The following MYCBP2 variants were observed in gnomAD, a reference collection of about 807,000 sequenced individuals.
MYCBP2 encodes MYC binding protein 2.
MYCBP2 carries 120 observed loss-of-function variants against 525.3 expected under a neutral mutation model. The observed-to-expected ratio is 0.23, with a 90% CI of 0.20 to 0.27. The LOEUF is 0.27. Ranked by LOEUF, MYCBP2 falls within the 10% of genes least tolerant of loss-of-function variation. The probability of loss-of-function intolerance (pLI) is 1.00; values close to 1 mark genes in which losing one functional copy is unlikely to be tolerated. For missense variants in MYCBP2, 4,149 were observed against 5,657.1 expected, an observed-to-expected ratio of 0.73 and a Z score of 8.55; for synonymous variants, 1,894 against 1,955.8, an observed-to-expected ratio of 0.97 and a Z score of 0.83.
intron 49 of MYCBP2, among the ~76,000 whole-genome samples, chr13:77,142,100 A>G (rs1283341293): frequency 6.6e-6 from 1 of 152,200 alleles, no homozygotes; most frequent in Non-Finnish European, 1.5e-5. Flanking sequence ...AAAAAACTCT[A>G]TCTACTGAAA....
At chr13:77,270,652 A>T (rs1346955318) in intron 5 of MYCBP2, 114 bp from the exon 6 acceptor site, 3 of 1,121,606 alleles carry the variant, frequency 2.7e-6, no homozygotes, top group Non-Finnish European at 3.7e-6. Context: ...GTTCAGAATG[A>T]TATTTCGCAT....
chr13:77,272,888 A>C (rs1183383951), intron 5 of MYCBP2, among the ~76,000 whole-genome samples: 2 of 152,198 alleles, frequency 1.3e-5, no homozygotes, highest in Non-Finnish European at 2.9e-5. Context: ...CTTCTTTCTC[A>C]ATTTCCAGAG....
intron 1 of MYCBP2, among the ~76,000 whole-genome samples, chr13:77,313,705 A>G (rs2154377668): frequency 6.6e-6 from 1 of 152,230 alleles, no homozygotes; most frequent in Middle Eastern, 3.4e-3. Context: ...ATATTTGCAA[A>G]AGACACATCT....
chr13:77,052,006 T>A, intron 80 of MYCBP2, 88 bp from the exon 81 acceptor site: 1 of 980,968 alleles, frequency 1.0e-6, no homozygotes, highest in Non-Finnish European at 1.6e-6. Context: ...AAGTAAGATC[T>A]AGGGGTTTTA....
At position 77,211,962 on chromosome 13, in the gene MYCBP2, T is replaced by C; in HGVS notation, c.3256A>G (p.Ile1086Val). ...TGTTTATTTCTGGTATTACCTATTATGTGTTTACTGGCAAAAATTTCTGAT... is the reference window on the plus strand; with the variant it reads ...TGTTTATTTCTGGTATTACCTATTACGTGTTTACTGGCAAAAATTTCTGAT... ...ATSEIFASKH[I>V]IGLVPASISE... The change falls in exon 22 of 83, where the codon ATA (isoleucine) becomes GTA (valine). Residue 1086 changes from isoleucine to valine, a missense_variant. Physicochemically the swap from Ile to Val is conservative, Grantham distance 29. Transcript: ENST00000544440. 1.2e-6 allele frequency: 2 copies of C among 1,613,122 alleles called. No homozygotes were observed. Among genetic ancestry groups the C allele is most frequent in the South Asian group, 1.1e-5 (1 of 91,048 alleles).
At chr13:77,165,529 T>C in intron 41 of MYCBP2, 138 bp from the exon 42 acceptor site, 5 of 623,846 alleles carry the variant, frequency 8.0e-6, no homozygotes, top group Non-Finnish European at 1.4e-5. Flanking sequence ...TTAAATAGAC[T>C]TGCGGCGGGG....
chr13:77,190,307 T>G lies in MYCBP2; in HGVS notation c.4099A>C (p.Lys1367Gln). 1 of 1,609,890 alleles carries G rather than the reference T, an allele frequency of 6.2e-7. No homozygotes were observed. Among genetic ancestry groups the G allele is most frequent in the Non-Finnish European group, 8.5e-7 (1 of 1,177,214 alleles). ...TTAACATCTGTACCATTATTTGATT[T>G]CTTTGAACTCTTGAACTGGAAAACA... The part of the protein sequence containing the change: ...GVVFQFKSSK[K>Q]SNNGTDVNAG... The change falls in exon 29 of 83, where the codon AAA becomes CAA. Residue 1367 changes from lysine to glutamine, a missense_variant. Transcript: ENST00000544440.
At chr13:77,171,900 T>C (rs1339007090) in intron 37 of MYCBP2, among the ~76,000 whole-genome samples, 1 of 152,170 alleles carries the variant, frequency 6.6e-6, no homozygotes, top group Non-Finnish European at 1.5e-5. Flanking sequence ...AATTAATTAA[T>C]TAAATTATTT....
intron 61 of MYCBP2, 110 bp downstream of exon 61, chr13:77,088,722 G>A (rs953103175): frequency 8.0e-6 from 7 of 871,350 alleles, no homozygotes; most frequent in African/African-American, 1.7e-5. Flanking sequence ...ATTGGCTAAT[G>A]CCTTTTAATT....
Position 77,267,908 on chromosome 13 carries a change from G to C in MYCBP2, c.1290C>G (p.Asn430Lys). The part of the protein sequence containing the change: ...QGYLLYRDVN[N>K]HSMTAIRISP... ...TTATCCTTATGGCTGTCATGCTGTG[G>C]TTATTCACATCTCTATATAATAAAT... The change falls in exon 8 of 83, where the codon AAC becomes AAG. Residue 430 changes from asparagine to lysine, a missense_variant. Around this residue, in one of 21 missense-constraint regions of MYCBP2, gnomAD observed 262 missense variants for 419.3 expected, o/e 0.62. Coordinates refer to ENST00000544440, the MANE Select transcript of MYCBP2 (RefSeq NM_015057.5). The C allele has an allele frequency of 6.2e-7, 1 of 1,613,576 alleles. No homozygotes were observed. The highest frequency in any genetic ancestry group is 8.5e-7 in the Non-Finnish European group (1 of 1,179,760).
chr13:77,171,616 A>G lies in MYCBP2; in HGVS notation c.5670T>C (p.Asp1890=), dbSNP rs1175226099. 6.2e-7 allele frequency: 1 copy of G among 1,614,012 alleles called. No homozygotes were observed. The highest frequency in any genetic ancestry group is 1.3e-5 in the African/African-American group (1 of 74,936). ...CTTTACTCAGAAGTTGGGATTGTAAATCTCCATCAAATTCACTCCTGTAGC... is the reference window on the plus strand; with the variant it reads ...CTTTACTCAGAAGTTGGGATTGTAAGTCTCCATCAAATTCACTCCTGTAGC... ...ILYYRSEFDG[D]LQSQLLSKAN... is the part of the protein sequence containing the mutation. Residue 1890 remains aspartate, a synonymous_variant, in exon 38 of 83, where the codon GAT becomes GAC. Transcript: ENST00000544440.
intron 1 of MYCBP2, among the ~76,000 whole-genome samples, chr13:77,308,640 G>C (rs1197782591): frequency 6.6e-6 from 1 of 152,214 alleles, no homozygotes; most frequent in Non-Finnish European, 1.5e-5. Flanking sequence ...GGTTTCCCCA[G>C]AAGCAGACGT....
At position 77,139,286 on chromosome 13, in the gene MYCBP2, C is replaced by A; in HGVS notation, c.7569G>T (p.Lys2523Asn). 1 of 1,613,880 alleles carries A rather than the reference C, an allele frequency of 6.2e-7. No homozygotes were observed. The highest frequency in any genetic ancestry group is 2.2e-5 in the East Asian group (1 of 44,866). ...VWLRLNDETI[K>N]KYVPNMNGYT... is the part of the protein sequence containing the mutation. ...AACCATTCATGTTAGGGACATACTT[C>A]TTTATTGTCTCATCATTCAGCCTCA... The change falls in exon 52 of 83, where the codon AAG becomes AAT. Residue 2523 changes from lysine to asparagine, a missense_variant. Lys to Asn is a moderately conservative substitution (Grantham distance 94). Transcript: ENST00000544440.
intron 26 of MYCBP2, among the ~76,000 whole-genome samples, chr13:77,198,719 A>G (rs762752380): frequency 1.3e-5 from 2 of 152,248 alleles, no homozygotes; most frequent in Non-Finnish European, 2.9e-5. Context: ...TTGGCCTACC[A>G]GATGGAATCC....
At chr13:77,298,844 T>C (rs1289456043) in intron 1 of MYCBP2, among the ~76,000 whole-genome samples, 1 of 152,164 alleles carries the variant, frequency 6.6e-6, no homozygotes, top group Non-Finnish European at 1.5e-5. Context: ...TAAATACATA[T>C]ACCTGCTTAT....
chr13:77,275,381 A>T (rs1371543407), intron 4 of MYCBP2, among the ~76,000 whole-genome samples: 2 of 152,168 alleles, frequency 1.3e-5, no homozygotes, highest in Non-Finnish European at 2.9e-5. Flanking sequence ...CATTCTAGCC[A>T]TATTGCTCTT....
At chr13:77,281,511 G>A (rs960689562) in intron 3 of MYCBP2, among the ~76,000 whole-genome samples, 2 of 151,938 alleles carry the variant, frequency 1.3e-5, no homozygotes, top group African/African-American at 2.4e-5. Flanking sequence ...ACATGCTTTC[G>A]CACTTCTCTT....
chr13:77,240,890 GA>G (rs1200971517), intron 17 of MYCBP2, among the ~76,000 whole-genome samples: 1 of 152,160 alleles, frequency 6.6e-6, no homozygotes, highest in Non-Finnish European at 1.5e-5. Flanking sequence ...AAACATGAAG[GA>G]GGGTGATCTA....
rs763730260 is a variant in MYCBP2, at chr13:77,326,641, G to A, written c.135C>T (p.Ser45=). 6.5e-6 allele frequency: 10 copies of A among 1,542,710 alleles called. No homozygotes were observed. In the Admixed American group the frequency reaches 2.0e-4, roughly 31 times the overall value. Residue 45 remains serine, a synonymous_variant, in exon 1 of 83, where the codon TCC becomes TCT. Transcript: ENST00000544440. The surrounding 1 kb of genome is among the most constrained non-coding windows in gnomAD (Gnocchi z 4.2). ...CCAGCCCCAGCCCCGCAGCAGCCAC[G>A]GAGCCGTCGGGAACCGGCATGAACA... ...GALFMPVPDG[S]VAAAGLGLGL... is the part of the protein sequence containing the mutation.
Sources: gnomAD v4.1 joint callset for allele counts (sites outside exome capture counted in the v4.1 genomes callset) on GRCh38, gnomAD v4.1.1 for gene constraint, gnomAD v4.1.1 regional missense constraint, Gnocchi (gnomAD v3.1) non-coding constraint, MANE v1.5 for transcripts, NCBI Gene and HGNC (gene_info 2026-07-23, HGNC 2026-07-21) for gene names.